SLC24A2: variants seen among roughly 807,000 people sequenced by gnomAD.
SLC24A2 encodes solute carrier family 24 member 2.
SLC24A2 carries 36 observed loss-of-function variants against 62.0 expected under a neutral mutation model. The ratio of observed to expected loss-of-function variants is 0.58; its 90% CI spans 0.44 to 0.77. The LOEUF is 0.77. Ranked by LOEUF, SLC24A2 falls within the 30% of genes least tolerant of loss-of-function variation. The probability of loss-of-function intolerance (pLI) is 0.00; values close to 1 mark genes in which losing one functional copy is unlikely to be tolerated. For synonymous variants in SLC24A2, 358 were observed against 294.0 expected (o/e 1.22, Z -2.23); for missense variants, 846 against 817.9 (o/e 1.03, Z -0.42).
At chr9:19,881,692 T>A in the SLC24A2 span, among the ~76,000 whole-genome samples, 1 of 152,202 alleles carries the variant, frequency 6.6e-6, no homozygotes, top group African/African-American at 2.4e-5. Flanking sequence ...CTTTTAGTAG[T>A]TATTTTTCTC....
chr9:19,853,392 C>A, the SLC24A2 span, among the ~76,000 whole-genome samples: 2 of 152,130 alleles, frequency 1.3e-5, no homozygotes, highest in Non-Finnish European at 2.9e-5. Flanking sequence ...TGCCGGTTTT[C>A]AAGGGCAATG....
chr9:20,240,300 T>A, the SLC24A2 span, among the ~76,000 whole-genome samples: 448 of 152,296 alleles, frequency 2.9e-3, 2 homozygotes, highest in Admixed American at 6.1e-3. Flanking sequence ...GAGAACTTAA[T>A]CCCATGGGTT....
chr9:19,819,537 A>C, the SLC24A2 span, among the ~76,000 whole-genome samples: 1 of 152,116 alleles, frequency 6.6e-6, no homozygotes, highest in Non-Finnish European at 1.5e-5. Flanking sequence ...CCCATCAAAA[A>C]GTGGGCTAAG....
chr9:19,829,946 T>G, the SLC24A2 span, among the ~76,000 whole-genome samples: 1 of 151,946 alleles, frequency 6.6e-6, no homozygotes, highest in Admixed American at 6.6e-5. Context: ...GATTCTCCAG[T>G]TTCAATCTTT....
intron 2 of SLC24A2, among the ~76,000 whole-genome samples, chr9:19,714,389 C>T (rs1235644377): frequency 1.3e-5 from 2 of 152,188 alleles, no homozygotes; most frequent in African/African-American, 4.8e-5. Context: ...AATCAAAAAC[C>T]AAGAGCAGCC....
At chr9:19,642,847 A>G (rs1818540557) in intron 2 of SLC24A2, among the ~76,000 whole-genome samples, 2 of 150,818 alleles carry the variant, frequency 1.3e-5, no homozygotes. Context: ...TGCCCAGCTA[A>G]TTTTTTGTAT....
At chr9:20,228,447 T>C in the SLC24A2 span, among the ~76,000 whole-genome samples, 8 of 151,644 alleles carry the variant, frequency 5.3e-5, no homozygotes, top group South Asian at 6.3e-4. Context: ...AATTCCCAAG[T>C]AAGAGAGCTG....
intron 7 of SLC24A2, among the ~76,000 whole-genome samples, chr9:19,556,250 T>A (rs1444593933): frequency 6.6e-6 from 1 of 152,200 alleles, no homozygotes; most frequent in Non-Finnish European, 1.5e-5. Context: ...CTTTTTCCAT[T>A]TGAATTTGGT....
At chr9:20,180,429 A>C in the SLC24A2 span, among the ~76,000 whole-genome samples, 1 of 152,178 alleles carries the variant, frequency 6.6e-6, no homozygotes, top group African/African-American at 2.4e-5. Context: ...ATTGACTTCC[A>C]GTGATCTCCA....
At chr9:20,275,066 C>T in the SLC24A2 span, among the ~76,000 whole-genome samples, 28 of 151,732 alleles carry the variant, frequency 1.8e-4, no homozygotes, top group East Asian at 1.4e-3. Flanking sequence ...TAAGATGATG[C>T]GACCCAGCAG....
chr9:19,699,227 A>G (rs1027542003), intron 2 of SLC24A2, among the ~76,000 whole-genome samples: 1 of 152,150 alleles, frequency 6.6e-6, no homozygotes, highest in African/African-American at 2.4e-5. Context: ...GGGGACAAGA[A>G]CGGCTGGCAA....
At chr9:19,779,431 A>C (rs1243798000) in intron 2 of SLC24A2, among the ~76,000 whole-genome samples, 1 of 152,236 alleles carries the variant, frequency 6.6e-6, no homozygotes, top group Non-Finnish European at 1.5e-5. Context: ...CAAAAACGGA[A>C]TTGAGAGACA....
chr9:20,014,099 T>C, the SLC24A2 span, among the ~76,000 whole-genome samples: 3 of 152,082 alleles, frequency 2.0e-5, no homozygotes, highest in Admixed American at 2.0e-4. Flanking sequence ...TCTCAGCTAC[T>C]CAGAAGGCTG....
At chr9:19,585,299 T>C (rs921899292) in intron 5 of SLC24A2, among the ~76,000 whole-genome samples, 8 of 152,236 alleles carry the variant, frequency 5.3e-5, no homozygotes, top group Non-Finnish European at 1.2e-4. Context: ...CCATTATTTA[T>C]TCAGTTAATT....
At chr9:19,691,842 C>T (rs1347282871) in intron 2 of SLC24A2, among the ~76,000 whole-genome samples, 3 of 152,092 alleles carry the variant, frequency 2.0e-5, no homozygotes, top group Non-Finnish European at 4.4e-5. Context: ...AAAGTTGCTT[C>T]CCTTGAGATG....
At chr9:19,555,197 G>T (rs138108815) in intron 7 of SLC24A2, among the ~76,000 whole-genome samples, 62 of 152,042 alleles carry the variant, frequency 4.1e-4, no homozygotes, top group South Asian at 8.3e-4. Context: ...TCAAGCCATT[G>T]TTATTTTGGG....
intron 5 of SLC24A2, among the ~76,000 whole-genome samples, chr9:19,578,742 G>A (rs1033562086): frequency 2.0e-5 from 3 of 152,166 alleles, no homozygotes; most frequent in Non-Finnish European, 4.4e-5. Flanking sequence ...TGGTCATGGT[G>A]ATGACTTGTG....
At chr9:19,866,004 A>G in the SLC24A2 span, among the ~76,000 whole-genome samples, 4 of 152,204 alleles carry the variant, frequency 2.6e-5, no homozygotes, top group Non-Finnish European at 2.9e-5. Flanking sequence ...TATTGGGGGG[A>G]AAAATCTAAT....
chr9:20,300,676 C>T, the SLC24A2 span, among the ~76,000 whole-genome samples: 3 of 152,162 alleles, frequency 2.0e-5, no homozygotes, highest in African/African-American at 7.2e-5. Context: ...AGAAACGGCC[C>T]TGGTTTTAAA....
Sources: allele counts gnomAD v4.1 joint callset (sites outside exome capture counted in the v4.1 genomes callset), GRCh38; gene constraint gnomAD v4.1.1; transcripts MANE v1.5; gene names NCBI Gene and HGNC (gene_info 2026-07-23, HGNC 2026-07-21).